The following SH3GL2 variants were observed in gnomAD, a reference collection of about 807,000 sequenced individuals.
The protein encoded by SH3GL2 is endophilin-A1.
Under a neutral mutation model 46.0 loss-of-function variants are expected in SH3GL2, and 24 were observed. The observed-to-expected ratio is 0.52, with a 90% CI of 0.38 to 0.73. The LOEUF (loss-of-function observed/expected upper bound fraction) is 0.73, where lower values mean the gene tolerates loss of function less well. Ranked by LOEUF, SH3GL2 falls within the 30% of genes least tolerant of loss-of-function variation. SH3GL2 has a pLI of 0.00. For synonymous variants in SH3GL2, 196 were observed against 147.1 expected (o/e 1.33, Z -2.40); for missense variants, 413 against 424.2 (o/e 0.97, Z 0.23).
At chr9:17,753,909 T>C (rs1423721757) in intron 2 of SH3GL2, among the ~76,000 whole-genome samples, 1 of 152,244 alleles carries the variant, frequency 6.6e-6, no homozygotes. Flanking sequence ...TAGCCAGTTA[T>C]CCTAGCACCA....
chr9:17,642,827 A>G (rs780711121), intron 1 of SH3GL2, among the ~76,000 whole-genome samples: 9 of 152,154 alleles, frequency 5.9e-5, no homozygotes. Flanking sequence ...TGTCTTGGCT[A>G]TATGGACTTT....
rs538556922 is a variant in SH3GL2 at position 17,729,985 on chromosome 9, T to C, written c.46-17081T>C. ...ATATGACATTTAAAGTAGTTTTTTC[T>C]AATTCTGTGAAGAAAGTCAATGGCA... On this transcript the variant is annotated intron_variant, in intron 1 of 8. Transcript: ENST00000380607. Among the ~76,000 whole-genome samples the C allele has an allele frequency of 2.0e-5, 3 of 150,732 alleles. No individual in the cohort carries two copies. The South Asian group carries it at 6.3e-4, about 32-fold the overall frequency.
intron 1 of SH3GL2, among the ~76,000 whole-genome samples, chr9:17,725,200 T>C (rs1821990831): frequency 6.6e-6 from 1 of 152,168 alleles, no homozygotes; most frequent in Admixed American, 6.5e-5. Flanking sequence ...ATTTTGCTGA[T>C]GGATCTGTGT....
chr9:17,761,562 C>A, intron 3 of SH3GL2, 53 bp downstream of exon 3: 1 of 1,061,296 alleles, frequency 9.4e-7, no homozygotes, highest in Non-Finnish European at 1.5e-6. Context: ...CTTTTAGTTT[C>A]TCTTTGATAG....
chr9:17,750,488 C>T (rs1822812198), intron 2 of SH3GL2, among the ~76,000 whole-genome samples: 1 of 152,128 alleles, frequency 6.6e-6, no homozygotes, highest in Non-Finnish European at 1.5e-5. Context: ...CCTCCTCTCC[C>T]TGAGCTGATT....
chr9:17,625,126 T>A (rs533689787), intron 1 of SH3GL2, among the ~76,000 whole-genome samples: 2 of 152,190 alleles, frequency 1.3e-5, no homozygotes, highest in Non-Finnish European at 2.9e-5. Context: ...ATTTTGGCAC[T>A]CTCTCATGCT....
chr9:17,720,569 G>T (rs533711684), intron 1 of SH3GL2, among the ~76,000 whole-genome samples: 4 of 152,118 alleles, frequency 2.6e-5, no homozygotes, highest in African/African-American at 9.6e-5. Flanking sequence ...CTGGTGATTG[G>T]CCCAAGAGTT....
At chr9:17,739,562 G>T (rs1822464763) in intron 1 of SH3GL2, among the ~76,000 whole-genome samples, 1 of 152,074 alleles carries the variant, frequency 6.6e-6, no homozygotes, top group African/African-American at 2.4e-5. Context: ...CTCTTAAATT[G>T]CCCCTTATCT....
At chr9:17,740,359 A>G (rs1308276891) in intron 1 of SH3GL2, among the ~76,000 whole-genome samples, 1 of 152,122 alleles carries the variant, frequency 6.6e-6, no homozygotes, top group Non-Finnish European at 1.5e-5. Context: ...ACATGGGGAT[A>G]CCACCATCTG....
intron 3 of SH3GL2, among the ~76,000 whole-genome samples, chr9:17,767,865 G>T (rs181883467): frequency 6.6e-6 from 1 of 152,270 alleles, no homozygotes; most frequent in Admixed American, 6.5e-5. Flanking sequence ...CTTAAGTCAG[G>T]TGATGGGTGA....
At chr9:17,764,329 C>G (rs539612030) in intron 3 of SH3GL2, among the ~76,000 whole-genome samples, 1 of 152,282 alleles carries the variant, frequency 6.6e-6, no homozygotes, top group African/African-American at 2.4e-5. Flanking sequence ...GCTTCTTGCC[C>G]TGAGAGTAGA....
chr9:17,702,870 C>A (rs538618395), intron 1 of SH3GL2, among the ~76,000 whole-genome samples: 30 of 152,066 alleles, frequency 2.0e-4, no homozygotes, highest in Admixed American at 5.2e-4. Flanking sequence ...GACATGCTTC[C>A]CCCTTTCAGT....
Position 17,795,732 on chromosome 9 carries a change from C to T in SH3GL2, c.1048C>T (p.Leu350=), listed in dbSNP as rs1322889324. ...CAATTATGTGGAAATTCTGGTTGCC[C>T]TGCCCCATTAGGATGTTATGCTGGC... ...PINYVEILVA[L]PH Residue 350 remains leucine, a synonymous_variant, in exon 9 of 9, where the codon CTG becomes TTG. Coordinates refer to ENST00000380607, the MANE Select transcript of SH3GL2 (RefSeq NM_003026.5). 3 of 1,613,336 alleles carry T rather than the reference C, an allele frequency of 1.9e-6. No individual in the cohort carries two copies. The highest frequency in any genetic ancestry group is 2.7e-5 in the African/African-American group (2 of 74,910).
At chr9:17,746,392 A>G (rs949070871) in intron 1 of SH3GL2, among the ~76,000 whole-genome samples, 1 of 152,158 alleles carries the variant, frequency 6.6e-6, no homozygotes, top group African/African-American at 2.4e-5. Flanking sequence ...TTTTATGAAC[A>G]TGAATTTTAC....
At position 17,747,107 on chromosome 9, in the gene SH3GL2, A is replaced by C; in HGVS notation, c.87A>C (p.Leu29=). The C allele has an allele frequency of 6.2e-7, 1 of 1,610,332 alleles. No homozygotes were observed. The highest frequency in any genetic ancestry group is 8.5e-7 in the Non-Finnish European group (1 of 1,176,640). ...TTGGAGGAGCTGAAGGAACCAAGCT[A>C]GATGATGACTTCAAAGAGATGGAAA... ...EKVGGAEGTK[L]DDDFKEMERK... Residue 29 remains leucine (L), a synonymous_variant, in exon 2 of 9, where the codon CTA becomes CTC. Coordinates refer to ENST00000380607, the MANE Select transcript of SH3GL2 (RefSeq NM_003026.5).
chr9:17,752,082 T>A (rs1822863945), intron 2 of SH3GL2, among the ~76,000 whole-genome samples: 1 of 152,196 alleles, frequency 6.6e-6, no homozygotes, highest in African/African-American at 2.4e-5. Context: ...TTTATTTTTG[T>A]TTTTTAACAC....
At chr9:17,734,859 A>G (rs778644372) in intron 1 of SH3GL2, among the ~76,000 whole-genome samples, 3 of 152,136 alleles carry the variant, frequency 2.0e-5, no homozygotes, top group African/African-American at 7.2e-5. Context: ...GTATGATGAA[A>G]GCAGTGTAAT....
intron 1 of SH3GL2, among the ~76,000 whole-genome samples, chr9:17,714,017 TG>T (rs1168191148): frequency 6.6e-6 from 1 of 151,736 alleles, no homozygotes; most frequent in Non-Finnish European, 1.5e-5. Flanking sequence ...CTGTTTTACT[TG>T]TATTTCTGTG....
intron 3 of SH3GL2, among the ~76,000 whole-genome samples, chr9:17,769,594 C>G (rs954964552): frequency 1.3e-5 from 2 of 152,210 alleles, no homozygotes; most frequent in South Asian, 4.2e-4. Flanking sequence ...GTCTGCTGCT[C>G]CTCATCACTC....
Sources: allele counts gnomAD v4.1 joint callset (sites outside exome capture counted in the v4.1 genomes callset), GRCh38; gene constraint gnomAD v4.1.1; transcripts MANE v1.5; gene names NCBI Gene and HGNC (gene_info 2026-07-23, HGNC 2026-07-21).